The following PARP15 variants were observed in gnomAD, a reference collection of about 807,000 sequenced individuals.
The protein encoded by PARP15 is protein mono-ADP-ribosyltransferase PARP15.
Under a neutral mutation model 62.1 loss-of-function variants are expected in PARP15, and 50 were observed. That is an observed-to-expected ratio of 0.81 (90% CI 0.64 to 1.02). The LOEUF is 1.02. Ranked by LOEUF, PARP15 falls within the 50% of genes least tolerant of loss-of-function variation. PARP15 has a pLI of 0.00. For synonymous variants in PARP15, 309 were observed against 293.1 expected, an observed-to-expected ratio of 1.05 and a Z score of -0.55; for missense variants, 820 against 826.5, an observed-to-expected ratio of 0.99 and a Z score of 0.10.
intron 1 of PARP15, among the ~76,000 whole-genome samples, chr3:122,597,493 C>T (rs557557065): frequency 2.6e-5 from 4 of 152,102 alleles, no homozygotes; most frequent in Non-Finnish European, 4.4e-5. Context: ...AACTCCCAAC[C>T]GCAGGTGATC....
intron 1 of PARP15, among the ~76,000 whole-genome samples, chr3:122,580,045 GCA>G (rs1288514919): frequency 1.6e-4 from 20 of 122,226 alleles, no homozygotes; most frequent in South Asian, 8.5e-4. Context: ...ATGCACGCGC[GCA>G]CACACACACA....
chr3:122,611,819 A>G (rs138813813), intron 3 of PARP15, among the ~76,000 whole-genome samples: 4,911 of 151,974 alleles, frequency 0.032, 274 homozygotes, highest in African/African-American at 0.11. Context: ...GGTTCAAGCA[A>G]TTCTCCTGCC....
chr3:122,612,402 A>G (rs1472499694), intron 3 of PARP15, among the ~76,000 whole-genome samples: 1 of 151,020 alleles, frequency 6.6e-6, no homozygotes, highest in Non-Finnish European at 1.5e-5. Flanking sequence ...TTCTCTTTAA[A>G]CATTTTTAAA....
intron 1 of PARP15, among the ~76,000 whole-genome samples, chr3:122,600,559 A>G (rs1310369855): frequency 6.6e-6 from 1 of 152,066 alleles, no homozygotes; most frequent in Non-Finnish European, 1.5e-5. Context: ...AAAGATTCTC[A>G]TTCCCTTCTG....
intron 1 of PARP15, among the ~76,000 whole-genome samples, chr3:122,603,780 C>T (rs1348989867): frequency 6.6e-6 from 1 of 152,146 alleles, no homozygotes; most frequent in African/African-American, 2.4e-5. Flanking sequence ...AGTAACAAAT[C>T]ATGAAATTCT....
chr3:122,636,228 C>T lies in PARP15; in HGVS notation c.*128C>T. 3.1e-6 allele frequency: 3 copies of T among 972,290 alleles called. No individual in the cohort carries two copies. The highest frequency in any genetic ancestry group is 3.5e-5 in the South Asian group (2 of 56,918). The allele number at this position is 972,290 out of a possible 1,614,324, so 60.2% of individuals were successfully genotyped here. A position where few individuals can be genotyped will look rare whatever the true frequency, so the allele number is the denominator to read the frequency against. On this transcript the variant is annotated 3_prime_UTR_variant, in exon 12 of 12. Coordinates refer to ENST00000464300, the MANE Select transcript of PARP15 (RefSeq NM_001113523.3). ...TTAGGTGCCAAAATGCTGAAAATTA[C>T]CTTTTTAAAGTGCTCTATTGCTGCG...
chr3:122,591,296 A>T (rs1223855291), intron 1 of PARP15, among the ~76,000 whole-genome samples: 22 of 152,182 alleles, frequency 1.4e-4, no homozygotes, highest in Non-Finnish European at 2.9e-5. Flanking sequence ...AAATAGATGA[A>T]TTTGCAAAAG....
chr3:122,602,866 C>T (rs1454986190), intron 1 of PARP15, among the ~76,000 whole-genome samples: 1 of 152,206 alleles, frequency 6.6e-6, no homozygotes, highest in East Asian at 1.9e-4. Flanking sequence ...AGGATTACCT[C>T]CATTGCATTT....
chr3:122,598,407 C>T (rs1007371010), intron 1 of PARP15, among the ~76,000 whole-genome samples: 8 of 152,120 alleles, frequency 5.3e-5, no homozygotes, highest in South Asian at 2.1e-4. Flanking sequence ...CTGCAGTCAT[C>T]GTAGGCTTGA....
chr3:122,610,681 T>C lies in PARP15; in HGVS notation c.494T>C (p.Leu165Pro), dbSNP rs1325155788. 2 of 1,547,918 alleles carry C rather than the reference T, an allele frequency of 1.3e-6. No individual in the cohort carries two copies. The highest frequency in any genetic ancestry group is 1.2e-5 in the South Asian group (1 of 83,510). ...SGCNLDCKAVLHAVAPYWNNG... is the reference protein window; with the variant it reads ...SGCNLDCKAVPHAVAPYWNNG... ...TGCAATCTGGACTGCAAAGCTGTGC[T>C]CCATGCTGTGGCTCCATACTGGAAT... is the stretch of plus-strand genomic sequence containing the variant. The change falls in exon 3 of 12, where the codon CTC becomes CCC. Residue 165 changes from leucine to proline, a missense_variant. Coordinates refer to ENST00000464300, the MANE Select transcript of PARP15 (RefSeq NM_001113523.3).
Position 122,594,628 on chromosome 3 carries a change from A to C in PARP15, c.187-11308A>C, listed in dbSNP as rs964894892. 1.8e-5 allele frequency: 17 copies of C among 924,876 alleles called. No homozygotes were observed. In the African/African-American group the frequency reaches 3.0e-4, roughly 17 times the overall value. The allele number at this position is 924,876 out of a possible 1,614,324, so 57.3% of individuals were successfully genotyped here. A position where few individuals can be genotyped will look rare whatever the true frequency, so the allele number is the denominator to read the frequency against. On this transcript the variant is annotated intron_variant, in intron 1 of 11. Transcript: ENST00000464300. ...CGTTGTGAAATCTAACTTTACATAG[A>C]AATTAGCATCTAATTTTAATTTGTG...
rs1486247150 is a variant in PARP15 at position 122,623,660 on chromosome 3, T to C, written c.1231+2049T>C. ...AATGCTTGTGCCACACCTCTTCGACTGTGAATACATTGTGAGATCCTCAAA... is the reference window on the plus strand; with the variant it reads ...AATGCTTGTGCCACACCTCTTCGACCGTGAATACATTGTGAGATCCTCAAA... On this transcript the variant is annotated intron_variant, in intron 8 of 11. Coordinates refer to ENST00000464300, the MANE Select transcript of PARP15 (RefSeq NM_001113523.3). Among the ~76,000 whole-genome samples the C allele has an allele frequency of 1.3e-5, 2 of 152,224 alleles. 1 individual carries two copies. The highest frequency in any genetic ancestry group is 2.9e-5 in the Non-Finnish European group (2 of 68,030).
At chr3:122,620,081 G>C (rs1002715409) in intron 7 of PARP15, among the ~76,000 whole-genome samples, 1 of 152,148 alleles carries the variant, frequency 6.6e-6, no homozygotes, top group African/African-American at 2.4e-5. Flanking sequence ...ACCCAGGCCT[G>C]GGTCCTAATA....
rs1936768099 is a variant in PARP15 at position 122,626,911 on chromosome 3, C to A, written c.1316C>A (p.Ser439Ter). The A allele has an allele frequency of 6.2e-7, 1 of 1,613,850 alleles. No individual in the cohort carries two copies. Among genetic ancestry groups the A allele is most frequent in the South Asian group, 1.1e-5 (1 of 91,072 alleles). Reference protein sequence around the residue: ...VDFSSQHSTPSLKTVKVVIFQ... With the variant: ...VDFSSQHSTP ...TTCTCATCACAACATTCCACCCCATCATTAAAAACAGTTAAAGTTGTCATT... is the reference window on the plus strand; with the variant it reads ...TTCTCATCACAACATTCCACCCCATAATTAAAAACAGTTAAAGTTGTCATT... Residue 439 changes from serine (S) to a stop codon, truncating the protein, a stop_gained, in exon 9 of 12, where the codon TCA (serine) becomes TAA (stop). Coordinates refer to ENST00000464300, the MANE Select transcript of PARP15 (RefSeq NM_001113523.3). LOFTEE classifies it high-confidence loss of function.
At chr3:122,630,875 C>A (rs539291238) in intron 9 of PARP15, among the ~76,000 whole-genome samples, 3 of 152,152 alleles carry the variant, frequency 2.0e-5, no homozygotes, top group Non-Finnish European at 4.4e-5. Context: ...TGGGATCTAT[C>A]TTATAATTCC....
At chr3:122,591,573 A>G (rs4678201) in intron 1 of PARP15, among the ~76,000 whole-genome samples, 128,989 of 151,798 alleles carry the variant, frequency 0.85, 54,975 homozygotes, top group East Asian at 0.94. Context: ...CCATCCTGGC[A>G]AACATGGTGA....
At chr3:122,626,644 A>G (rs1936746639) in intron 8 of PARP15, among the ~76,000 whole-genome samples, 183 bp from the exon 9 acceptor site, 1 of 152,196 alleles carries the variant, frequency 6.6e-6, no homozygotes, top group South Asian at 2.1e-4. Context: ...GAGTGGTTAC[A>G]TGGATGATGT....
chr3:122,593,390 C>T (rs1181391305), intron 1 of PARP15, among the ~76,000 whole-genome samples: 1 of 152,162 alleles, frequency 6.6e-6, no homozygotes, highest in Non-Finnish European at 1.5e-5. Flanking sequence ...GATCCACCCA[C>T]CTCAGCCTCC....
At chr3:122,620,268 G>C (rs1235324012) in intron 7 of PARP15, among the ~76,000 whole-genome samples, 2 of 152,218 alleles carry the variant, frequency 1.3e-5, no homozygotes, top group African/African-American at 2.4e-5. Flanking sequence ...ACTGTGAAGT[G>C]CTGTACAAAC....
Sources: allele counts gnomAD v4.1 joint callset (sites outside exome capture counted in the v4.1 genomes callset), GRCh38; gene constraint gnomAD v4.1.1; transcripts MANE v1.5; gene names NCBI Gene and HGNC (gene_info 2026-07-23, HGNC 2026-07-21).